The following HDAC9 variants were observed in gnomAD, a reference collection of about 807,000 sequenced individuals.
The protein encoded by HDAC9 is histone deacetylase 9.
HDAC9 carries 41 observed loss-of-function variants against 139.4 expected under a neutral mutation model. That is an observed-to-expected ratio of 0.29 (90% CI 0.23 to 0.38). The LOEUF is 0.38. Among genes scored for constraint, HDAC9 ranks in the 10% least tolerant of loss-of-function variants. The pLI is 1.00. For synonymous variants in HDAC9, 517 were observed against 476.2 expected, an observed-to-expected ratio of 1.09 and a Z score of -1.12; for missense variants, 1,147 against 1,297.0, an observed-to-expected ratio of 0.88 and a Z score of 1.78.
intron 1 of HDAC9, among the ~76,000 whole-genome samples, chr7:18,486,275 A>G (rs1795967947): frequency 6.6e-6 from 1 of 152,158 alleles, no homozygotes; most frequent in Non-Finnish European, 1.5e-5. Context: ...TGTTTCATAA[A>G]AAAGAGATGC....
At chr7:18,681,037 T>C (rs1382156102) in intron 12 of HDAC9, among the ~76,000 whole-genome samples, 1 of 152,070 alleles carries the variant, frequency 6.6e-6, no homozygotes, top group East Asian at 1.9e-4. Context: ...TATCATTTTA[T>C]AATCAGGAAG....
At chr7:18,301,612 G>A (rs1020400096) in intron 1 of HDAC9, among the ~76,000 whole-genome samples, 2 of 152,114 alleles carry the variant, frequency 1.3e-5, no homozygotes, top group African/African-American at 4.8e-5. Flanking sequence ...GCATTTGAAT[G>A]TATGAATTTA....
At chr7:18,778,368 C>A (rs1368944073) in intron 16 of HDAC9, among the ~76,000 whole-genome samples, 1 of 151,752 alleles carries the variant, frequency 6.6e-6, no homozygotes, top group Non-Finnish European at 1.5e-5. Flanking sequence ...GTCCTTGGAC[C>A]AAACCACTGT....
chr7:18,741,719 G>A (rs953226687), intron 13 of HDAC9, among the ~76,000 whole-genome samples: 5 of 152,166 alleles, frequency 3.3e-5, no homozygotes, highest in African/African-American at 1.2e-4. Flanking sequence ...TGATGGGTCT[G>A]AGCAATGTAC....
At chr7:18,287,760 G>A (rs1797547478), upstream of HDAC9, among the ~76,000 whole-genome samples, 1 of 152,236 alleles carries the variant, frequency 6.6e-6, no homozygotes. Flanking sequence ...CTAGGGTAGT[G>A]CTTTTCAATG....
At chr7:18,625,048 G>C (rs1182841960) in intron 6 of HDAC9, among the ~76,000 whole-genome samples, 1 of 152,016 alleles carries the variant, frequency 6.6e-6, no homozygotes, top group African/African-American at 2.4e-5. Flanking sequence ...TATGTCCTCA[G>C]ATCATCACAA....
In HDAC9 at chr7:18,999,439, C is replaced by T. The variant is rs946704873; in HGVS notation, c.*3377C>T. On this transcript the variant is annotated 3_prime_UTR_variant, in exon 26 of 26. Coordinates refer to ENST00000686413, the MANE Select transcript of HDAC9 (RefSeq NM_178425.4). ...TGGAAAGTCTCCTGGGAAAAAATTC[C>T]TCTTCAATCAGCATTTTAAAACTTT... 7.9e-5 allele frequency: 12 copies of T among 152,168 alleles called. No homozygotes were observed. Among genetic ancestry groups the T allele is most frequent in the African/African-American group, 2.7e-4 (11 of 41,416 alleles). 9.4% of individuals were successfully genotyped at this position (152,168 alleles called of 1,614,324 possible). A position where few individuals can be genotyped will look rare whatever the true frequency, so the allele number is the denominator to read the frequency against.
intron 11 of HDAC9, among the ~76,000 whole-genome samples, chr7:18,664,406 A>G (rs1377487537): frequency 6.6e-6 from 1 of 152,156 alleles, no homozygotes; most frequent in Middle Eastern, 3.4e-3. Context: ...TAGGTCTTAT[A>G]TGTGTTTTTC....
intron 14 of HDAC9, among the ~76,000 whole-genome samples, chr7:18,758,146 C>T (rs939394381): frequency 2.0e-5 from 3 of 152,126 alleles, no homozygotes; most frequent in Admixed American, 2.0e-4. Flanking sequence ...AGGTTTCATT[C>T]CTAGGCCTGT....
At position 18,407,496 on chromosome 7, in the gene HDAC9, G is replaced by A. The variant is rs560244327; in HGVS notation, c.-41-88766G>A. ...AACGTATGAACAGCCAATAGAAACA[G>A]GAAATTCAAAGTCAATGTGCAGCCT... On this transcript the variant is annotated intron_variant, in intron 1 of 3. Coordinates refer to the HDAC9 transcript ENST00000413509. 5.5e-4 allele frequency among the ~76,000 whole-genome samples: 84 copies of A among 152,166 alleles called. 1 individual carries two copies. Among genetic ancestry groups the A allele is most frequent in the Admixed American group, 3.7e-3 (57 of 15,282 alleles).
intron 1 of HDAC9, among the ~76,000 whole-genome samples, chr7:18,335,930 C>T (rs1781551935): frequency 6.6e-6 from 1 of 151,590 alleles, no homozygotes; most frequent in Admixed American, 6.6e-5. Context: ...TTCAGTCACA[C>T]AGACATTTTG....
At chr7:18,883,260 C>T (rs1799864960) in intron 22 of HDAC9, among the ~76,000 whole-genome samples, 1 of 152,010 alleles carries the variant, frequency 6.6e-6, no homozygotes, top group Non-Finnish European at 1.5e-5. Context: ...CTATCTGAAA[C>T]ACACTTGAGA....
chr7:18,406,003 CACAA>C (rs1452651138), intron 1 of HDAC9, among the ~76,000 whole-genome samples: 5 of 152,166 alleles, frequency 3.3e-5, no homozygotes, highest in African/African-American at 9.7e-5. Context: ...GGAGTTATCA[CACAA>C]ACAGTTAGTT....
chr7:18,346,721 A>T (rs191715787), intron 1 of HDAC9, among the ~76,000 whole-genome samples: 3 of 152,246 alleles, frequency 2.0e-5, no homozygotes, highest in Admixed American at 2.0e-4. Flanking sequence ...ATCGAAAGAC[A>T]CTTTTTTCTT....
intron 2 of HDAC9, among the ~76,000 whole-genome samples, chr7:18,569,636 A>G (rs1394295874): frequency 6.6e-6 from 1 of 152,230 alleles, no homozygotes. Flanking sequence ...AATTCTAATG[A>G]CAGTCTAATT....
intron 2 of HDAC9, among the ~76,000 whole-genome samples, chr7:18,219,094 G>T (rs749907744): frequency 4.6e-5 from 7 of 152,048 alleles, no homozygotes; most frequent in African/African-American, 1.2e-4. Context: ...AATATAAAGA[G>T]CCTGATAAGG....
At chr7:18,418,141 C>T (rs1337806866) in intron 1 of HDAC9, among the ~76,000 whole-genome samples, 1 of 152,118 alleles carries the variant, frequency 6.6e-6, no homozygotes, top group African/African-American at 2.4e-5. Flanking sequence ...AAAACCGTTG[C>T]TCAGCTTTTG....
At chr7:18,945,691 GGTTT>G (rs1782331563) in intron 23 of HDAC9, among the ~76,000 whole-genome samples, 1 of 152,046 alleles carries the variant, frequency 6.6e-6, no homozygotes, top group African/African-American at 2.4e-5. Context: ...ATAGAGGTCA[GGTTT>G]GTTTGTTTCA....
At chr7:18,576,729 C>T (rs1367390004) in intron 2 of HDAC9, among the ~76,000 whole-genome samples, 4 of 150,886 alleles carry the variant, frequency 2.7e-5, no homozygotes, top group Non-Finnish European at 4.4e-5. Context: ...AGAGGAGTCA[C>T]TATCACTTCT....
Sources: gnomAD v4.1 joint callset for allele counts (sites outside exome capture counted in the v4.1 genomes callset) on GRCh38, gnomAD v4.1.1 for gene constraint, MANE v1.5 for transcripts, NCBI Gene and HGNC (gene_info 2026-07-23, HGNC 2026-07-21) for gene names.